The following ASIP variants were observed in gnomAD, a reference collection of about 807,000 sequenced individuals.
The protein encoded by ASIP is agouti signaling protein.
A neutral mutation model predicts 10.3 loss-of-function variants in ASIP; 11 were observed. That is an observed-to-expected ratio of 1.07 (90% CI 0.68 to 1.78). ASIP has a LOEUF of 1.78. Ranked by LOEUF, ASIP falls within the 40% of genes most tolerant of loss-of-function variation. The pLI, the probability that ASIP is intolerant of heterozygous loss-of-function variation, is 0.00. For missense variants in ASIP, 180 were observed against 169.2 expected, an observed-to-expected ratio of 1.06 and a Z score of -0.35; for synonymous variants, 70 against 70.8, an observed-to-expected ratio of 0.99 and a Z score of 0.06.
chr20:34,247,482 T>C lies in ASIP; in HGVS notation c.-11+5993T>C, dbSNP rs144366798. On this transcript the variant is annotated intron_variant, in intron 1 of 3. Coordinates refer to ENST00000374954, the MANE Select transcript of ASIP (RefSeq NM_001672.3). The stretch of plus-strand genomic sequence containing the variant: ...CGCCCAGCTAATTTTTGTATTTTTG[T>C]AGAGACGAGGTTTCATCATGTTAGT... Among the ~76,000 whole-genome samples, 32 of 151,844 alleles carry C rather than the reference T, an allele frequency of 2.1e-4. No individual in the cohort carries two copies. In the East Asian group the frequency reaches 6.0e-3, roughly 29 times the overall value.
chr20:34,249,748 G>A (rs902114979), intron 1 of ASIP, among the ~76,000 whole-genome samples: 5 of 152,150 alleles, frequency 3.3e-5, no homozygotes, highest in Admixed American at 1.3e-4. Context: ...GCCATTTAAA[G>A]GTAGGGCATC....
At chr20:34,261,267 G>C (rs2035684804) in intron 2 of ASIP, among the ~76,000 whole-genome samples, 1 of 152,200 alleles carries the variant, frequency 6.6e-6, no homozygotes, top group East Asian at 1.9e-4. Context: ...GGAAGCTGGA[G>C]GCATGAGGAT....
intron 1 of ASIP, among the ~76,000 whole-genome samples, chr20:34,205,408 C>T (rs914395986): frequency 2.6e-5 from 4 of 151,784 alleles, no homozygotes; most frequent in African/African-American, 7.3e-5. Context: ...TTGTTCATTC[C>T]TCCCGCTGGG....
intron 1 of ASIP, among the ~76,000 whole-genome samples, chr20:34,258,860 GAT>G (rs1276633268): frequency 4.4e-5 from 5 of 113,102 alleles, no homozygotes; most frequent in Non-Finnish European, 7.1e-5. Context: ...TATAATATAT[GAT>G]ATATATAATA....
chr20:34,226,600 C>T (rs1357326198), intron 1 of ASIP, among the ~76,000 whole-genome samples: 6 of 152,060 alleles, frequency 3.9e-5, no homozygotes, highest in Non-Finnish European at 5.9e-5. Context: ...GTGATCCACC[C>T]GCCTCAGCCT....
intron 1 of ASIP, among the ~76,000 whole-genome samples, chr20:34,234,452 C>T (rs376532148): frequency 6.6e-6 from 1 of 152,206 alleles, no homozygotes; most frequent in Non-Finnish European, 1.5e-5. Context: ...ATCCAGTGGG[C>T]GCTATCAGCT....
intron 1 of ASIP, among the ~76,000 whole-genome samples, chr20:34,227,154 A>G (rs904751157): frequency 6.6e-6 from 1 of 152,216 alleles, no homozygotes; most frequent in Non-Finnish European, 1.5e-5. Context: ...TTTGAAGCAT[A>G]CAAGATTAAT....
chr20:34,269,304 T>C lies in ASIP; in HGVS notation c.*137T>C. On this transcript the variant is annotated 3_prime_UTR_variant, in exon 4 of 4. Coordinates refer to ENST00000374954, the MANE Select transcript of ASIP (RefSeq NM_001672.3). Reference sequence around the variant, plus strand: ...CAGGAGATGGGACTTCAGGGAGACCTGGCTTGGGCTAAAATCGAAATACAA... The same window carrying C: ...CAGGAGATGGGACTTCAGGGAGACCCGGCTTGGGCTAAAATCGAAATACAA... 2 of 1,122,866 alleles carry C rather than the reference T, an allele frequency of 1.8e-6. No individual in the cohort carries two copies. The highest frequency in any genetic ancestry group is 3.4e-5 in the South Asian group (2 of 58,590). 69.6% of individuals were successfully genotyped at this position (1,122,866 alleles called of 1,614,324 possible). A position where few individuals can be genotyped will look rare whatever the true frequency, so the allele number is the denominator to read the frequency against.
chr20:34,226,650 A>G (rs946540501), intron 1 of ASIP, among the ~76,000 whole-genome samples: 4 of 152,210 alleles, frequency 2.6e-5, no homozygotes, highest in Non-Finnish European at 5.9e-5. Context: ...CACTGCACTC[A>G]GCCTGATTTT....
chr20:34,244,610 A>G (rs1568760613), intron 1 of ASIP, among the ~76,000 whole-genome samples: 1 of 152,230 alleles, frequency 6.6e-6, no homozygotes, highest in African/African-American at 2.4e-5. Flanking sequence ...TAACATTTGC[A>G]ATTTTTCATT....
upstream of ASIP, among the ~76,000 whole-genome samples, chr20:34,237,753 T>C (rs1352191835): frequency 6.6e-6 from 1 of 152,224 alleles, no homozygotes; most frequent in Non-Finnish European, 1.5e-5. Context: ...AATCTTTCAT[T>C]CTTTCATCAT....
chr20:34,268,363 G>A (rs2035824916), intron 3 of ASIP, among the ~76,000 whole-genome samples: 1 of 152,092 alleles, frequency 6.6e-6, no homozygotes, highest in African/African-American at 2.4e-5. Context: ...GGTCGGAGAG[G>A]CAAGCAAGGG....
rs192457277 is a variant in ASIP, at chr20:34,245,135, A to G, written c.-11+3646A>G. Among the ~76,000 whole-genome samples the G allele has an allele frequency of 9.7e-4, 147 of 151,964 alleles. 1 individual carries two copies. The highest frequency in any genetic ancestry group is 7.9e-3 in the South Asian group (38 of 4,808). ...CAAATCACGAGGTCAGGAGTTCGAG[A>G]CCAGCCTGGCAAACATGATGAAACC... On this transcript the variant is annotated intron_variant, in intron 1 of 3. Transcript: ENST00000374954.
chr20:34,212,750 T>C (rs1377555133), intron 1 of ASIP, among the ~76,000 whole-genome samples: 2 of 152,224 alleles, frequency 1.3e-5, no homozygotes, highest in African/African-American at 4.8e-5. Context: ...ATCTGATGTT[T>C]TCCCACCTGC....
Position 34,260,446 on chromosome 20 carries a change from G to A in ASIP, c.72G>A (p.Leu24=), listed in dbSNP as rs751753598. The part of the protein sequence containing the change: ...FLCFFTANSH[L]PPEEKLRDDR... The stretch of plus-strand genomic sequence containing the variant: ...GCTTCTTCACTGCCAACAGCCACCT[G>A]CCACCTGAGGAGAAGCTCCGAGATG... Residue 24 remains leucine (L), a synonymous_variant, in exon 2 of 4, where the codon CTG becomes CTA. Transcript: ENST00000374954. The A allele has an allele frequency of 6.2e-7, 1 of 1,614,100 alleles. No homozygotes were observed. The highest frequency in any genetic ancestry group is 8.5e-7 in the Non-Finnish European group (1 of 1,179,986).
chr20:34,196,851 G>C (rs770317682), intron 1 of ASIP, among the ~76,000 whole-genome samples: 4 of 152,162 alleles, frequency 2.6e-5, no homozygotes, highest in Non-Finnish European at 5.9e-5. Flanking sequence ...ACAAAGGTAG[G>C]ATCCAGCTAT....
intron 1 of ASIP, among the ~76,000 whole-genome samples, chr20:34,253,266 C>G (rs868086656): frequency 6.6e-6 from 1 of 151,346 alleles, no homozygotes; most frequent in Non-Finnish European, 1.5e-5. Flanking sequence ...CCACCACGCC[C>G]GCCTAATTTT....
At chr20:34,263,595 T>C (rs1034346109) in intron 3 of ASIP, among the ~76,000 whole-genome samples, 2 of 147,662 alleles carry the variant, frequency 1.4e-5, no homozygotes, top group Non-Finnish European at 3.0e-5. Flanking sequence ...ACTTAAAAAA[T>C]GCAGTTGACT....
intron 1 of ASIP, among the ~76,000 whole-genome samples, chr20:34,234,524 CCTTT>C (rs1177113090): frequency 2.0e-5 from 3 of 147,762 alleles, no homozygotes; most frequent in Non-Finnish European, 3.0e-5. Flanking sequence ...TTCCTTCCTT[CCTTT>C]CTTTCCTTTC....
Sources: gnomAD v4.1 joint callset for allele counts (sites outside exome capture counted in the v4.1 genomes callset) on GRCh38, gnomAD v4.1.1 for gene constraint, MANE v1.5 for transcripts, NCBI Gene and HGNC (gene_info 2026-07-23, HGNC 2026-07-21) for gene names.